The following LRP1B variants were observed in gnomAD, a reference collection of about 807,000 sequenced individuals.
LRP1B encodes the protein LDL receptor related protein 1B.
LRP1B carries 217 observed loss-of-function variants against 556.6 expected under a neutral mutation model. That is an observed-to-expected ratio of 0.39 (90% CI 0.35 to 0.44). The LOEUF is 0.44. Ranked by LOEUF, LRP1B falls within the 20% of genes least tolerant of loss-of-function variation. The pLI is 1.00. For missense variants in LRP1B, 5,053 were observed against 5,620.8 expected (o/e 0.90, Z 3.23); for synonymous variants, 2,047 against 1,865.8 (o/e 1.10, Z -2.50).
At chr2:140,914,396 T>A (rs2105243198) in intron 21 of LRP1B, among the ~76,000 whole-genome samples, 1 of 152,324 alleles carries the variant, frequency 6.6e-6, no homozygotes, top group South Asian at 2.1e-4. Context: ...GCTTTAAATC[T>A]GAGCATACAG....
At chr2:142,037,892 G>A (rs192583487) in intron 1 of LRP1B, among the ~76,000 whole-genome samples, 99 of 151,482 alleles carry the variant, frequency 6.5e-4, no homozygotes, top group East Asian at 3.9e-4. Flanking sequence ...GTGGCCTCAG[G>A]GATTTCCTGT....
chr2:140,376,034 C>A (rs1271303999), intron 68 of LRP1B, among the ~76,000 whole-genome samples: 1 of 150,306 alleles, frequency 6.7e-6, no homozygotes, highest in Non-Finnish European at 1.5e-5. Context: ...TTGTTCTAGA[C>A]TGTAAAAAAA....
chr2:140,248,686 T>G lies in LRP1B; in HGVS notation c.13248-1524A>C, dbSNP rs116177953. 2.9e-3 allele frequency among the ~76,000 whole-genome samples: 436 copies of G among 151,750 alleles called. 3 individuals are homozygous for G. The highest frequency in any genetic ancestry group is 9.8e-3 in the African/African-American group (407 of 41,498). ...CATTGTGTTTGTTTTTTCTTTTTAA[T>G]TTGTGGTATTTGCAGATGAATGATC... is the stretch of plus-strand genomic sequence containing the variant. On this transcript the variant is annotated intron_variant, in intron 86 of 90. Transcript: ENST00000389484.
intron 7 of LRP1B, among the ~76,000 whole-genome samples, chr2:141,122,130 C>T (rs1245687367): frequency 6.6e-6 from 1 of 152,092 alleles, no homozygotes; most frequent in Non-Finnish European, 1.5e-5. Flanking sequence ...AAATGTTAGA[C>T]CTAAAACCAT....
At chr2:140,809,424 T>C (rs1690840412) in intron 32 of LRP1B, among the ~76,000 whole-genome samples, 1 of 152,124 alleles carries the variant, frequency 6.6e-6, no homozygotes, top group South Asian at 2.1e-4. Flanking sequence ...GACTTTCATT[T>C]TTCCCACTCC....
At chr2:140,697,954 T>C (rs1252322476) in intron 41 of LRP1B, among the ~76,000 whole-genome samples, 3 of 152,154 alleles carry the variant, frequency 2.0e-5, no homozygotes, top group Non-Finnish European at 4.4e-5. Flanking sequence ...TGGATATACA[T>C]GTATATTTGC....
chr2:140,625,748 A>C (rs998350008), intron 41 of LRP1B, among the ~76,000 whole-genome samples: 25 of 152,224 alleles, frequency 1.6e-4, no homozygotes, highest in Admixed American at 1.2e-3. Flanking sequence ...GCTATAGAGC[A>C]ACAAGAACTC....
intron 3 of LRP1B, among the ~76,000 whole-genome samples, chr2:141,427,022 C>G (rs1273350681): frequency 3.3e-5 from 5 of 152,130 alleles, no homozygotes; most frequent in African/African-American, 1.2e-4. Flanking sequence ...CTATCCCACC[C>G]CTAGCCCTCC....
chr2:142,091,484 T>C (rs1706172088), intron 1 of LRP1B, among the ~76,000 whole-genome samples: 1 of 152,150 alleles, frequency 6.6e-6, no homozygotes, highest in African/African-American at 2.4e-5. Context: ...ACTTCCAAGC[T>C]CTCCTTCAAA....
At chr2:140,273,748 G>A (rs1682560326) in intron 85 of LRP1B, among the ~76,000 whole-genome samples, 1 of 151,962 alleles carries the variant, frequency 6.6e-6, no homozygotes, top group African/African-American at 2.4e-5. Flanking sequence ...AGTGAGGATT[G>A]ATCTCTAACC....
chr2:140,538,485 T>C (rs1040390183), intron 45 of LRP1B, among the ~76,000 whole-genome samples: 1 of 152,166 alleles, frequency 6.6e-6, no homozygotes, highest in Non-Finnish European at 1.5e-5. Context: ...TATTTGGTTT[T>C]CTGTTCCCGA....
chr2:141,663,087 C>T (rs1574211856), intron 2 of LRP1B, among the ~76,000 whole-genome samples: 1 of 152,110 alleles, frequency 6.6e-6, no homozygotes. Context: ...CTGAATGACT[C>T]CTGGGTAAAT....
intron 1 of LRP1B, among the ~76,000 whole-genome samples, chr2:142,125,588 A>G (rs1156613005): frequency 4.6e-5 from 7 of 151,800 alleles, no homozygotes; most frequent in Non-Finnish European, 1.0e-4. Context: ...CCAAAAAACT[A>G]ATAAGTTTTA....
At chr2:142,102,787 C>A (rs1243480157) in intron 1 of LRP1B, among the ~76,000 whole-genome samples, 3 of 151,484 alleles carry the variant, frequency 2.0e-5, no homozygotes, top group Non-Finnish European at 3.0e-5. Flanking sequence ...AAACTCATAA[C>A]CATAACAAAA....
chr2:140,624,287 A>C (rs981457204), intron 41 of LRP1B, among the ~76,000 whole-genome samples: 18 of 152,134 alleles, frequency 1.2e-4, no homozygotes, highest in Admixed American at 6.6e-5. Flanking sequence ...TTTAGTTCTG[A>C]AATCTGAAGC....
At chr2:140,364,529 C>T in intron 72 of LRP1B, 132 bp downstream of exon 72, 3 of 1,022,844 alleles carry the variant, frequency 2.9e-6, no homozygotes, top group Non-Finnish European at 4.2e-6. Context: ...AAAGCTGTAT[C>T]TGTGGTTATA....
chr2:140,465,720 CAA>C (rs34468644), intron 60 of LRP1B, among the ~76,000 whole-genome samples: 26 of 80,222 alleles, frequency 3.2e-4, no homozygotes, highest in South Asian at 4.2e-4. Context: ...ATGACATTTG[CAA>C]AAAAAAAAAA....
At chr2:140,388,566 T>A (rs1237817199) in intron 66 of LRP1B, among the ~76,000 whole-genome samples, 1 of 152,086 alleles carries the variant, frequency 6.6e-6, no homozygotes, top group Non-Finnish European at 1.5e-5. Context: ...GAAGAAAGAG[T>A]AATGCAGGAA....
chr2:140,786,076 G>A (rs1361406967), intron 32 of LRP1B, among the ~76,000 whole-genome samples: 1 of 152,180 alleles, frequency 6.6e-6, no homozygotes, highest in Non-Finnish European at 1.5e-5. Flanking sequence ...GCAAATGTGA[G>A]CATGTCCCTC....
Sources: allele counts gnomAD v4.1 joint callset (sites outside exome capture counted in the v4.1 genomes callset), GRCh38; gene constraint gnomAD v4.1.1; transcripts MANE v1.5; gene names NCBI Gene and HGNC (gene_info 2026-07-23, HGNC 2026-07-21).